The following SESN2 variants were observed in gnomAD, a reference collection of about 807,000 sequenced individuals.
SESN2 encodes sestrin-2.
Under a neutral mutation model 56.0 loss-of-function variants are expected in SESN2, and 42 were observed. The observed-to-expected ratio is 0.75, with a 90% confidence interval of 0.59 to 0.97. The LOEUF (loss-of-function observed/expected upper bound fraction) is 0.97. Ranked by LOEUF, SESN2 falls within the 50% of genes least tolerant of loss-of-function variation. The probability of loss-of-function intolerance (pLI) is 0.00; values close to 1 mark genes in which losing one functional copy is unlikely to be tolerated. For missense variants in SESN2, 507 were observed against 649.4 expected, an observed-to-expected ratio of 0.78 and a Z score of 2.38; for synonymous variants, 264 against 267.1, an observed-to-expected ratio of 0.99 and a Z score of 0.11.
intron 8 of SESN2, among the ~76,000 whole-genome samples, chr1:28,275,316 C>T (rs549998482): frequency 6.7e-6 from 1 of 148,606 alleles, no homozygotes; most frequent in African/African-American, 2.5e-5. Context: ...CACACACACA[C>T]ACTATATATA....
intron 1 of SESN2, among the ~76,000 whole-genome samples, chr1:28,268,280 A>G (rs1647629091): frequency 6.6e-6 from 1 of 151,604 alleles, no homozygotes; most frequent in Non-Finnish European, 1.5e-5. Context: ...AGGCATGGTG[A>G]CTCCCATCTG....
At chr1:28,280,337 G>C (rs946128300) in intron 9 of SESN2, among the ~76,000 whole-genome samples, 2 of 152,198 alleles carry the variant, frequency 1.3e-5, no homozygotes, top group African/African-American at 4.8e-5. Context: ...TTTCCAAGTA[G>C]CTGGGATTAC....
intron 2 of SESN2, among the ~76,000 whole-genome samples, chr1:28,270,167 C>T (rs1438013777): frequency 5.3e-5 from 8 of 152,192 alleles, no homozygotes; most frequent in South Asian, 2.1e-4. Context: ...CTGGCTAACA[C>T]GGTGAAGCAC....
chr1:28,259,575 C>T lies in SESN2; in HGVS notation c.-273C>T. The stretch of plus-strand genomic sequence containing the variant: ...CGCTGGGTCCGGGAGCAGCCCTGGC[C>T]CCTGCGGACTTCCGAGGCCGTGAAA... On this transcript the variant is annotated 5_prime_UTR_variant, in exon 1 of 10. Transcript: ENST00000253063. The T allele has an allele frequency of 2.6e-6, 1 of 379,154 alleles. No individual in the cohort carries two copies. The highest frequency in any genetic ancestry group is 4.7e-6 in the Non-Finnish European group (1 of 211,304). The allele number at this position is 379,154 out of a possible 1,614,324, so 23.5% of individuals were successfully genotyped here.
At chr1:28,276,476 A>G (rs573860768) in intron 8 of SESN2, among the ~76,000 whole-genome samples, 3 of 152,072 alleles carry the variant, frequency 2.0e-5, no homozygotes, top group South Asian at 2.1e-4. Flanking sequence ...GAGACCCTTC[A>G]CTAAAAAAAT....
At chr1:28,275,167 G>A (rs1287232928) in intron 8 of SESN2, 152 bp downstream of exon 8, 4 of 585,426 alleles carry the variant, frequency 6.8e-6, no homozygotes, top group South Asian at 2.6e-5. Flanking sequence ...AAAGATGACA[G>A]TACTCATTGT....
chr1:28,264,223 G>T (rs925252948), intron 1 of SESN2, among the ~76,000 whole-genome samples: 4 of 152,104 alleles, frequency 2.6e-5, no homozygotes, highest in Admixed American at 1.3e-4. Context: ...GGAGGCTGAG[G>T]CAGGAGAATT....
At chr1:28,272,152 G>T (rs1243707930) in intron 3 of SESN2, 132 bp from the exon 4 acceptor site, 7 of 971,672 alleles carry the variant, frequency 7.2e-6, no homozygotes, top group Middle Eastern at 3.3e-4. Context: ...CAGAGCTGGG[G>T]TTACTTAGAA....
At chr1:28,265,523 AGCTGGGACTACAGGCATGCACCACCAT>A (rs946917588) in intron 1 of SESN2, among the ~76,000 whole-genome samples, 6 of 152,136 alleles carry the variant, frequency 3.9e-5, no homozygotes, top group Non-Finnish European at 8.8e-5. Flanking sequence ...CCCCCCGAGT[AGCTGGGACTACAGGCATGCACCACCAT>A]GCCTGGCTAA....
chr1:28,261,422 A>C (rs1021922729), intron 1 of SESN2, among the ~76,000 whole-genome samples: 1 of 152,236 alleles, frequency 6.6e-6, no homozygotes, highest in African/African-American at 2.4e-5. Context: ...TGGCTTAGCC[A>C]GTAATCACTT....
intron 1 of SESN2, among the ~76,000 whole-genome samples, chr1:28,264,085 C>T (rs1201980147): frequency 1.3e-5 from 2 of 149,942 alleles, no homozygotes. Context: ...AAAAAAAGGC[C>T]AGGCACGGTG....
Position 28,282,429 on chromosome 1 carries a change from C to A in SESN2, c.*1627C>A, listed in dbSNP as rs977707687. On this transcript the variant is annotated 3_prime_UTR_variant, in exon 10 of 10. Coordinates refer to ENST00000253063, the MANE Select transcript of SESN2 (RefSeq NM_031459.5). ...GTATCCAGTGTTCAAGTGCAGAAAT[C>A]TTTGGCTTTGCTACCAGTTCCATAT... 1.3e-5 allele frequency: 2 copies of A among 152,220 alleles called. No homozygotes were observed. The highest frequency in any genetic ancestry group is 2.1e-4 in the South Asian group (1 of 4,828). 9.4% of individuals were successfully genotyped at this position (152,220 alleles called of 1,614,324 possible).
intron 9 of SESN2, 147 bp downstream of exon 9, chr1:28,279,388 A>C (rs561937930): frequency 5.4e-6 from 4 of 741,988 alleles, no homozygotes; most frequent in African/African-American, 5.3e-5. Flanking sequence ...TTGAAGTCCT[A>C]TTCCACTGTG....
In SESN2 at chr1:28,271,115, A is replaced by G. The variant is rs1647757839; in HGVS notation, c.157-559A>G. Among the ~76,000 whole-genome samples, 3 of 152,240 alleles carry G rather than the reference A, an allele frequency of 2.0e-5. No individual in the cohort carries two copies. The South Asian group carries it at 6.2e-4, about 32-fold the overall frequency. On this transcript the variant is annotated intron_variant, in intron 2 of 9. Coordinates refer to ENST00000253063, the MANE Select transcript of SESN2 (RefSeq NM_031459.5). ...GATCTGTGACTTTGAGCAAGGAAGA[A>G]AACTTCCTGGTTTCCTCATCTGGCA...
At chr1:28,269,156 G>A (rs370780717) in intron 1 of SESN2, 27 bp from the exon 2 acceptor site, 37 of 1,582,218 alleles carry the variant, frequency 2.3e-5, no homozygotes, top group South Asian at 7.8e-5. Context: ...CTTCTACTAC[G>A]GACTAACCTC....
In SESN2 at chr1:28,259,578, T is replaced by C. The variant is rs1647297381; in HGVS notation, c.-270T>C. On this transcript the variant is annotated 5_prime_UTR_variant, in exon 1 of 10. Coordinates refer to ENST00000253063, the MANE Select transcript of SESN2 (RefSeq NM_031459.5). ...TGGGTCCGGGAGCAGCCCTGGCCCCTGCGGACTTCCGAGGCCGTGAAAACC... is the reference window on the plus strand; with the variant it reads ...TGGGTCCGGGAGCAGCCCTGGCCCCCGCGGACTTCCGAGGCCGTGAAAACC... 1 of 381,004 alleles carries C rather than the reference T, an allele frequency of 2.6e-6. No individual in the cohort carries two copies. Among genetic ancestry groups the C allele is most frequent in the East Asian group, 4.0e-5 (1 of 24,782 alleles). 23.6% of individuals were successfully genotyped at this position (381,004 alleles called of 1,614,324 possible). A position where few individuals can be genotyped will look rare whatever the true frequency, so the allele number is the denominator to read the frequency against.
rs762074057 is a variant in SESN2 at position 28,274,040 on chromosome 1, C to T, written c.902C>T (p.Ala301Val). Residue 301 changes from alanine (A) to valine (V), a missense_variant and splice_region_variant, in exon 7 of 10, where the codon GCT (alanine) becomes GTT (valine). By Grantham distance (64) the Ala-to-Val change is moderately conservative (BLOSUM62 0). Transcript: ENST00000253063. ...KSESLLVTPS[A>V]DILEPSPHPD... ...ACTGTGACCTCTTTCTGGTCCTCAGCTGACATCCTGGAGCCCTCTCCACAC... is the reference window on the plus strand; with the variant it reads ...ACTGTGACCTCTTTCTGGTCCTCAGTTGACATCCTGGAGCCCTCTCCACAC... 3.7e-6 allele frequency: 6 copies of T among 1,605,630 alleles called. No individual in the cohort carries two copies. In the South Asian group the frequency reaches 4.4e-5, roughly 12 times the overall value.
Position 28,274,846 on chromosome 1 carries a change from G to A in SESN2, c.1042G>A (p.Gly348Ser). 1.2e-6 allele frequency: 2 copies of A among 1,613,824 alleles called. No individual in the cohort carries two copies. Among genetic ancestry groups the A allele is most frequent in the Non-Finnish European group, 1.7e-6 (2 of 1,179,764 alleles). The change falls in exon 8 of 10, where the codon GGC (glycine) becomes AGC (serine). Residue 348 changes from glycine (G) to serine (S), a missense_variant. By Grantham distance (56) the Gly-to-Ser change is moderately conservative. Coordinates refer to ENST00000253063, the MANE Select transcript of SESN2 (RefSeq NM_031459.5). ...RAQDYTWEDHGYSLIQRLYPE... is the reference protein window; with the variant it reads ...RAQDYTWEDHSYSLIQRLYPE... ...TAAGGATTATACCTGGGAAGACCAT[G>A]GCTACTCGCTGATCCAGCGGCTTTA...
chr1:28,272,226 C>T lies in SESN2; in HGVS notation c.355-58C>T, dbSNP rs1417681481. 19 of 1,579,484 alleles carry T rather than the reference C, an allele frequency of 1.2e-5. No homozygotes were observed. The South Asian group carries it at 2.1e-4, about 18-fold the overall frequency. Reference sequence around the variant, plus strand: ...AACCTCTCCCCTGATGGGGTACCCACCCTGAGCCAGGCACAAAAGGAGGAG... The same window carrying T: ...AACCTCTCCCCTGATGGGGTACCCATCCTGAGCCAGGCACAAAAGGAGGAG... On this transcript the variant is annotated intron_variant, in intron 3 of 9. Coordinates refer to ENST00000253063, the MANE Select transcript of SESN2 (RefSeq NM_031459.5).
Sources: gnomAD v4.1 joint callset for allele counts (sites outside exome capture counted in the v4.1 genomes callset) on GRCh38, gnomAD v4.1.1 for gene constraint, MANE v1.5 for transcripts, NCBI Gene and HGNC (gene_info 2026-07-23, HGNC 2026-07-21) for gene names.